Variants in PDS5B observed in about 807,000 individuals in gnomAD.
PDS5B encodes the protein PDS5 cohesin associated factor B.
Under a neutral mutation model 184.1 loss-of-function variants are expected in PDS5B, and 51 were observed. The observed-to-expected ratio is 0.28, with a 90% CI of 0.22 to 0.35. PDS5B has a LOEUF of 0.35. Ranked by LOEUF, PDS5B falls within the 10% of genes least tolerant of loss-of-function variation. PDS5B has a pLI of 1.00. For missense variants in PDS5B, 1,180 were observed against 1,723.3 expected (o/e 0.68, Z 5.58); for synonymous variants, 566 against 569.2 (o/e 0.99, Z 0.08).
Position 32,646,572 on chromosome 13 carries a change from C to CT in PDS5B, c.-19-2170dup, listed in dbSNP as rs879369797. On this transcript the variant is annotated intron_variant, in intron 1 of 34. Transcript: ENST00000315596. ...CAGAGTGAATCTGGGGCCTATTTAT[C>CT]TTTTTTTTTTTTAACTTGATATTTA... Among the ~76,000 whole-genome samples, 597 of 140,638 alleles carry CT rather than the reference C, an allele frequency of 4.2e-3. 2 individuals carry two copies. Among genetic ancestry groups the CT allele is most frequent in the African/African-American group, 0.013 (500 of 38,452 alleles). 92.3% of individuals were successfully genotyped at this position (140,638 alleles called of 152,430 possible).
At chr13:32,649,103 T>C (rs1287465061) in intron 2 of PDS5B, 1 of 435,520 alleles carries the variant, frequency 2.3e-6, no homozygotes, top group East Asian at 4.4e-5. Context: ...TTTTCTAGGA[T>C]CTCCTATACT....
At chr13:32,589,328 G>A (rs1241588329) in intron 1 of PDS5B, among the ~76,000 whole-genome samples, 2 of 151,996 alleles carry the variant, frequency 1.3e-5, no homozygotes, top group Non-Finnish European at 2.9e-5. Flanking sequence ...AAAAATTCAG[G>A]GTAGTACATT....
intron 1 of PDS5B, among the ~76,000 whole-genome samples, chr13:32,610,148 T>G (rs2058119473): frequency 6.6e-6 from 1 of 152,212 alleles, no homozygotes; most frequent in Admixed American, 6.5e-5. Flanking sequence ...GTGGTGTGTC[T>G]TATGTATCAG....
chr13:32,760,439 T>C (rs778557395), intron 29 of PDS5B, 136 bp from the exon 30 acceptor site: 12 of 712,126 alleles, frequency 1.7e-5, no homozygotes, highest in Non-Finnish European at 2.8e-5. Context: ...TTATACTTAT[T>C]ACTTTGCTTA....
chr13:32,770,075 A>G (rs1954725272), intron 31 of PDS5B, 46 bp from the exon 32 acceptor site: 1 of 1,521,662 alleles, frequency 6.6e-7, no homozygotes, highest in South Asian at 1.3e-5. Context: ...AAATATGTAT[A>G]CTCACAATTT....
chr13:32,592,897 A>T (rs1222926166), intron 1 of PDS5B, among the ~76,000 whole-genome samples: 2 of 152,166 alleles, frequency 1.3e-5, no homozygotes, highest in Non-Finnish European at 2.9e-5. Flanking sequence ...AATCTTACTA[A>T]ATCTCAACTT....
intron 6 of PDS5B, among the ~76,000 whole-genome samples, chr13:32,660,604 G>GT (rs1950617326): frequency 6.6e-6 from 1 of 152,180 alleles, no homozygotes. Flanking sequence ...CACAAATCGA[G>GT]TATCTAGCTT....
chr13:32,694,089 G>T, intron 13 of PDS5B, 134 bp from the exon 14 acceptor site: 1 of 612,452 alleles, frequency 1.6e-6, no homozygotes. Context: ...ATTATCAGTT[G>T]CTTAGTCCTG....
intron 19 of PDS5B, among the ~76,000 whole-genome samples, chr13:32,731,525 G>C (rs945262711): frequency 2.8e-5 from 4 of 141,478 alleles, no homozygotes; most frequent in Admixed American, 1.4e-4. Context: ...TTTTTTCTCT[G>C]TAGCAGTTCT....
chr13:32,704,369 G>C (rs779763836), intron 17 of PDS5B, among the ~76,000 whole-genome samples: 4 of 152,030 alleles, frequency 2.6e-5, no homozygotes, highest in African/African-American at 7.2e-5. Flanking sequence ...GGGTTTCACC[G>C]TGTTGCCCAG....
chr13:32,691,034 G>A (rs965645996), intron 13 of PDS5B: 11 of 151,838 alleles, frequency 7.2e-5, no homozygotes, highest in Non-Finnish European at 1.3e-4. Context: ...AAGAAATCAC[G>A]TATATATGTT....
At chr13:32,619,971 A>T (rs1354165815) in intron 1 of PDS5B, among the ~76,000 whole-genome samples, 1 of 151,710 alleles carries the variant, frequency 6.6e-6, no homozygotes, top group African/African-American at 2.4e-5. Flanking sequence ...GCTAATTTTT[A>T]TATTTTTAGT....
intron 34 of PDS5B, among the ~76,000 whole-genome samples, 156 bp from the exon 35 acceptor site, chr13:32,774,861 G>A (rs1432725115): frequency 6.6e-6 from 1 of 152,108 alleles, no homozygotes; most frequent in Non-Finnish European, 1.5e-5. Flanking sequence ...CTAAATATGT[G>A]ATGCCAGGGC....
chr13:32,742,786 A>G, intron 23 of PDS5B, 59 bp downstream of exon 23: 1 of 1,433,502 alleles, frequency 7.0e-7, no homozygotes, highest in Admixed American at 1.8e-5. Context: ...TCTTGGTGTA[A>G]CTGTTCAATG....
intron 1 of PDS5B, among the ~76,000 whole-genome samples, chr13:32,598,474 T>C (rs1358898383): frequency 6.6e-6 from 1 of 152,104 alleles, no homozygotes; most frequent in East Asian, 1.9e-4. Context: ...AAATATTCCA[T>C]TTTATTAACT....
chr13:32,765,543 C>G (rs577873298), intron 31 of PDS5B, among the ~76,000 whole-genome samples: 1 of 152,332 alleles, frequency 6.6e-6, no homozygotes, highest in Non-Finnish European at 1.5e-5. Flanking sequence ...TCATGTTTCT[C>G]CAATAACTTA....
At chr13:32,633,901 A>G (rs1166381498) in intron 1 of PDS5B, among the ~76,000 whole-genome samples, 1 of 152,186 alleles carries the variant, frequency 6.6e-6, no homozygotes, top group Non-Finnish European at 1.5e-5. Flanking sequence ...TATGGGTGGT[A>G]CTTTTATGCC....
intron 6 of PDS5B, 88 bp from the exon 7 acceptor site, chr13:32,667,675 CA>C: frequency 1.3e-6 from 1 of 749,268 alleles, no homozygotes; most frequent in South Asian, 1.9e-5. Flanking sequence ...TTTTTTCATT[CA>C]TTTACTCAAG....
rs1258918808 is a variant in PDS5B, at chr13:32,775,046, G to A, written c.4338G>A (p.Arg1446=). The part of the protein sequence containing the change: ...NVRRRSAKRE[R]R ...GGCGGCGAAGTGCTAAAAGGGAACG[G>A]CGATGAACAAATGTAATTAATAACT... The change falls in exon 35 of 35, where the codon CGG becomes CGA. Residue 1446 remains arginine, a synonymous_variant. Coordinates refer to ENST00000315596, the MANE Select transcript of PDS5B (RefSeq NM_015032.4). 2 of 1,606,226 alleles carry A rather than the reference G, an allele frequency of 1.2e-6. No homozygotes were observed. Among genetic ancestry groups the A allele is most frequent in the African/African-American group, 1.3e-5 (1 of 74,282 alleles).
Sources: allele counts gnomAD v4.1 joint callset (sites outside exome capture counted in the v4.1 genomes callset), GRCh38; gene constraint gnomAD v4.1.1; transcripts MANE v1.5; gene names NCBI Gene and HGNC (gene_info 2026-07-23, HGNC 2026-07-21).